RIPOR2: variants seen among roughly 807,000 people sequenced by gnomAD.
The protein encoded by RIPOR2 is RHO family interacting cell polarization regulator 2.
In RIPOR2, 39 loss-of-function variants were observed where a neutral mutation model predicts 114.5. The ratio of observed to expected loss-of-function variants is 0.34; its 90% CI spans 0.26 to 0.44. The LOEUF is 0.44. Ranked by LOEUF, RIPOR2 falls within the 20% of genes least tolerant of loss-of-function variation. RIPOR2 has a pLI of 1.00. For synonymous variants in RIPOR2, 445 were observed against 484.4 expected, an observed-to-expected ratio of 0.92 and a Z score of 1.07; for missense variants, 1,007 against 1,255.1, an observed-to-expected ratio of 0.80 and a Z score of 2.99.
chr6:24,832,297 A>G lies in RIPOR2; in HGVS notation c.2303T>C (p.Val768Ala). ...QIQVMEKLAA[V>A]SDENIGNISS... is the part of the protein sequence containing the mutation. ...GATATTTCCTATGTTCTCATCACTG[A>G]CAGCTGCGAGTTTCTCCATCACTTG... Residue 768 changes from valine (V) to alanine (A), a missense_variant, in exon 16 of 22, where the codon GTC (valine) becomes GCC (alanine). Val to Ala is a moderately conservative substitution (Grantham distance 64). Coordinates refer to ENST00000643898, the MANE Select transcript of RIPOR2 (RefSeq NM_001286445.3). 1 of 1,551,780 alleles carries G rather than the reference A, an allele frequency of 6.4e-7. No individual in the cohort carries two copies. The highest frequency in any genetic ancestry group is 2.0e-5 in the Admixed American group (1 of 51,010).
At chr6:24,930,647 G>A (rs1198351133) in intron 1 of RIPOR2, among the ~76,000 whole-genome samples, 7 of 152,252 alleles carry the variant, frequency 4.6e-5, no homozygotes, top group African/African-American at 1.4e-4. Flanking sequence ...GGTCACACAA[G>A]CATGAATTAC....
chr6:24,905,523 T>C (rs1017434499), intron 1 of RIPOR2, among the ~76,000 whole-genome samples: 1 of 152,252 alleles, frequency 6.6e-6, no homozygotes, highest in African/African-American at 2.4e-5. Context: ...GGAATCTTCA[T>C]GTAGGATAGG....
chr6:24,967,518 G>A (rs2114232178), intron 1 of RIPOR2, among the ~76,000 whole-genome samples: 1 of 152,270 alleles, frequency 6.6e-6, no homozygotes, highest in South Asian at 2.1e-4. Context: ...CAGCTGGTGA[G>A]AAGCCAAGAG....
At chr6:24,849,727 C>A in intron 11 of RIPOR2, 75 bp downstream of exon 11, 1 of 1,348,074 alleles carries the variant, frequency 7.4e-7, no homozygotes, top group South Asian at 1.3e-5. Flanking sequence ...TGCGGATGGT[C>A]CATGCACCAG....
At chr6:24,867,522 G>A (rs1365059911) in intron 6 of RIPOR2, among the ~76,000 whole-genome samples, 1 of 152,210 alleles carries the variant, frequency 6.6e-6, no homozygotes, top group East Asian at 1.9e-4. Context: ...GTCTTCTGGG[G>A]AACTGCCCTT....
At chr6:24,919,723 C>G (rs1444739508) in intron 1 of RIPOR2, among the ~76,000 whole-genome samples, 1 of 152,182 alleles carries the variant, frequency 6.6e-6, no homozygotes, top group African/African-American at 2.4e-5. Context: ...CAAACGTACA[C>G]AGGCCTCTCT....
chr6:24,889,380 G>A (rs750150416), intron 1 of RIPOR2, among the ~76,000 whole-genome samples: 22 of 152,126 alleles, frequency 1.4e-4, no homozygotes, highest in Non-Finnish European at 1.8e-4. Context: ...CTTGATTATA[G>A]CCTGTGTCAT....
In RIPOR2 at chr6:25,035,741, G is replaced by A. The variant is rs139648647; in HGVS notation, c.76+6110C>T. On this transcript the variant is annotated intron_variant, in intron 1 of 13. Transcript: ENST00000510784. ...AAGCTGGGCTGCTCTGTAAATTGAC[G>A]CTGGATCTCTCTGCAAGCAGGGGCC... is the stretch of plus-strand genomic sequence containing the variant. Among the ~76,000 whole-genome samples, 58 of 152,226 alleles carry A rather than the reference G, an allele frequency of 3.8e-4. No homozygotes were observed. In the East Asian group the frequency reaches 6.4e-3, roughly 17 times the overall value.
At chr6:25,040,135 T>TTC (rs70974962) in intron 1 of RIPOR2, among the ~76,000 whole-genome samples, 1 of 151,724 alleles carries the variant, frequency 6.6e-6, no homozygotes, top group Non-Finnish European at 1.5e-5. Flanking sequence ...TTTTTTTTTT[T>TTC]AGATGGAGTT....
At chr6:24,996,996 C>T (rs1283595385) in intron 1 of RIPOR2, among the ~76,000 whole-genome samples, 5 of 152,206 alleles carry the variant, frequency 3.3e-5, no homozygotes, top group Non-Finnish European at 7.3e-5. Flanking sequence ...GGCAATCATA[C>T]ATACGCTGAA....
At chr6:24,824,001 C>A (rs1395325134) in intron 19 of RIPOR2, among the ~76,000 whole-genome samples, 1 of 152,190 alleles carries the variant, frequency 6.6e-6, no homozygotes. Context: ...AGGTGATCCA[C>A]CCACCTCGGC....
chr6:24,894,568 C>T (rs1237468346), intron 1 of RIPOR2, among the ~76,000 whole-genome samples: 1 of 152,150 alleles, frequency 6.6e-6, no homozygotes, highest in Non-Finnish European at 1.5e-5. Flanking sequence ...CTCAGAATGC[C>T]TTGTGGCCCC....
Position 24,808,762 on chromosome 6 carries a change from CTTTTTTTTTTT to C in RIPOR2, c.3043+944_3043+954del, listed in dbSNP as rs10587871. 3.1e-5 allele frequency among the ~76,000 whole-genome samples: 4 copies of C among 128,076 alleles called. No homozygotes were observed. The Admixed American group carries it at 3.2e-4, about 10-fold the overall frequency. 84.0% of individuals were successfully genotyped at this position (128,076 alleles called of 152,430 possible). A position where few individuals can be genotyped will look rare whatever the true frequency, so the allele number is the denominator to read the frequency against. On this transcript the variant is annotated intron_variant, in intron 21 of 21. Coordinates refer to ENST00000643898, the MANE Select transcript of RIPOR2 (RefSeq NM_001286445.3). ...TTATAATAATTATTTATACTTTTTT[CTTTTTTTTTTT>C]TTTTGAGACAGAGTCTTGCTCTGTC...
chr6:24,989,264 T>G (rs1774677011), intron 1 of RIPOR2, among the ~76,000 whole-genome samples: 1 of 151,750 alleles, frequency 6.6e-6, no homozygotes. Context: ...TACTTATAAG[T>G]ATATATTTTA....
intron 8 of RIPOR2, among the ~76,000 whole-genome samples, chr6:24,860,749 C>T (rs747466954): frequency 6.6e-5 from 10 of 152,180 alleles, no homozygotes; most frequent in Non-Finnish European, 1.3e-4. Flanking sequence ...ATAATGTTCT[C>T]TCCACTTCTG....
intron 1 of RIPOR2, among the ~76,000 whole-genome samples, chr6:24,902,919 G>C (rs7760720): frequency 0.043 from 6,545 of 152,252 alleles, 399 homozygotes; most frequent in African/African-American, 0.13. Flanking sequence ...GGTCATATTT[G>C]ACCTTTTTCT....
At chr6:24,921,435 AT>A (rs1770476713) in intron 1 of RIPOR2, among the ~76,000 whole-genome samples, 1 of 151,906 alleles carries the variant, frequency 6.6e-6, no homozygotes, top group African/African-American at 2.4e-5. Flanking sequence ...AAGTGCTAGC[AT>A]TACAGGCGTG....
In RIPOR2 at chr6:24,954,455, C is replaced by CTTTT. The variant is rs372356246; in HGVS notation, c.77-78639_77-78638insAAAA. On this transcript the variant is annotated intron_variant, in intron 1 of 13. Coordinates refer to the RIPOR2 transcript ENST00000510784. ...AACTGTGCAGGCCCAGTCTCTCTCT[C>CTTTT]CTTTTTTTTTTTTTTTTTGAGACAG... Among the ~76,000 whole-genome samples the CTTTT allele has an allele frequency of 8.6e-3, 996 of 116,224 alleles. 104 individuals carry two copies. Among genetic ancestry groups the CTTTT allele is most frequent in the East Asian group, 0.019 (84 of 4,346 alleles). The allele number at this position is 116,224 out of a possible 152,430, so 76.2% of individuals were successfully genotyped here.
chr6:24,896,320 T>C (rs1249804199), intron 1 of RIPOR2, among the ~76,000 whole-genome samples: 1 of 152,170 alleles, frequency 6.6e-6, no homozygotes, highest in Non-Finnish European at 1.5e-5. Context: ...ATAGGTCAAT[T>C]AATGGAAAGT....
Sources: gnomAD v4.1 joint callset for allele counts (sites outside exome capture counted in the v4.1 genomes callset) on GRCh38, gnomAD v4.1.1 for gene constraint, MANE v1.5 for transcripts, NCBI Gene and HGNC (gene_info 2026-07-23, HGNC 2026-07-21) for gene names.